Variants in COG6 observed in about 807,000 individuals in gnomAD.
The protein encoded by COG6 is conserved oligomeric Golgi complex subunit 6.
In COG6, 74 loss-of-function variants were observed where a neutral mutation model predicts 88.8. The observed-to-expected ratio is 0.83, with a 90% CI of 0.69 to 1.01. COG6 has a LOEUF of 1.01. Ranked by LOEUF, COG6 falls within the 50% of genes least tolerant of loss-of-function variation. COG6 has a pLI of 0.00. For synonymous variants in COG6, 286 were observed against 278.7 expected (o/e 1.03, Z -0.26); for missense variants, 800 against 797.9 (o/e 1.00, Z -0.03).
chr13:39,781,383 C>G (rs1241828331), intron 18 of COG6, among the ~76,000 whole-genome samples: 1 of 151,412 alleles, frequency 6.6e-6, no homozygotes, highest in African/African-American at 2.4e-5. Flanking sequence ...ATTTGTTTTT[C>G]CCCTGAAAAT....
chr13:39,708,448 T>C (rs1261354272), intron 13 of COG6, among the ~76,000 whole-genome samples: 2 of 152,190 alleles, frequency 1.3e-5, no homozygotes, highest in Non-Finnish European at 2.9e-5. Flanking sequence ...GTTTAAGAAA[T>C]CTTTGGCTAT....
intron 11 of COG6, among the ~76,000 whole-genome samples, chr13:39,692,465 G>A (rs1224282846): frequency 3.9e-5 from 6 of 151,996 alleles, no homozygotes; most frequent in Non-Finnish European, 5.9e-5. Context: ...CAATGACATG[G>A]AAAATAAAGC....
exon 19 of COG6, chr13:39,789,499 C>T (rs916171130): frequency 2.0e-5 from 3 of 152,168 alleles, no homozygotes; most frequent in African/African-American, 7.2e-5. Flanking sequence ...CACCCTGACT[C>T]ATTCCAATCA....
rs572688127 is a variant in COG6 at position 39,663,330 on chromosome 13, A to G, written c.370-1766A>G. Among the ~76,000 whole-genome samples the G allele has an allele frequency of 4.7e-4, 72 of 152,292 alleles. 1 individual carries two copies. Among genetic ancestry groups the G allele is most frequent in the Non-Finnish European group, 6.3e-4 (43 of 68,020 alleles). ...TGATTAATAAATGGTGTTGATTGTA[A>G]GGTGCACCCTCAATAACGACTAGCC... On this transcript the variant is annotated intron_variant, in intron 3 of 18. Transcript: ENST00000455146.
intron 13 of COG6, among the ~76,000 whole-genome samples, chr13:39,708,813 T>C (rs1384564722): frequency 6.6e-6 from 1 of 152,214 alleles, no homozygotes; most frequent in African/African-American, 2.4e-5. Flanking sequence ...TTTCTTAGGT[T>C]ACCTGAGACT....
Position 39,719,064 on chromosome 13 carries a change from A to C in COG6, c.1285-172A>C, listed in dbSNP as rs574438458. ...TAATCTGACAAAGAACTTTTCTCTC[A>C]CTTTGTGTGCTGTTAATATAGTTCA... is the stretch of plus-strand genomic sequence containing the variant. On this transcript the variant is annotated intron_variant, in intron 13 of 18. Transcript: ENST00000455146. Among the ~76,000 whole-genome samples, 3 of 152,292 alleles carry C rather than the reference A, an allele frequency of 2.0e-5. No individual in the cohort carries two copies. The South Asian group carries it at 6.2e-4, about 32-fold the overall frequency.
chr13:39,659,471 T>C lies in COG6; in HGVS notation c.261T>C (p.Asn87=), dbSNP rs146261996. The change falls in exon 2 of 19, where the codon AAT becomes AAC. Residue 87 remains asparagine (N), a synonymous_variant. Transcript: ENST00000455146. ...TTGAACGTAAAAGTTTAGCCATCAA[T>C]GAAGAATTTGTAAGCATTTTCAAGG... ...GDIERKSLAI[N]EEFVSIFKEV... The C allele has an allele frequency of 2.5e-5, 41 of 1,613,604 alleles. No homozygotes were observed. The African/African-American group carries it at 4.8e-4, about 19-fold the overall frequency.
At chr13:39,741,459 A>G (rs1880037849) in intron 18 of COG6, among the ~76,000 whole-genome samples, 1 of 152,204 alleles carries the variant, frequency 6.6e-6, no homozygotes, top group Non-Finnish European at 1.5e-5. Context: ...TATGTGACGC[A>G]TGCACAAGCT....
At position 39,706,235 on chromosome 13, in the gene COG6, TTA is replaced by T. The variant is rs372468879; in HGVS notation, c.1284+6630_1284+6631del. On this transcript the variant is annotated intron_variant, in intron 13 of 18. Transcript: ENST00000455146. Reference sequence around the variant, plus strand: ...CTCCTTTATATATATATATACTCCTTTATATATATATATACTCCTTTATATAT... The same window carrying T: ...CTCCTTTATATATATATATACTCCTTTATATATATATACTCCTTTATATAT... 1.2e-4 allele frequency among the ~76,000 whole-genome samples: 13 copies of T among 106,454 alleles called. 2 individuals are homozygous for T. Among genetic ancestry groups the T allele is most frequent in the South Asian group, 3.1e-4 (1 of 3,238 alleles). 69.8% of individuals were successfully genotyped at this position (106,454 alleles called of 152,430 possible).
intron 18 of COG6, among the ~76,000 whole-genome samples, chr13:39,765,442 G>A (rs1215723039): frequency 6.6e-6 from 1 of 152,160 alleles, no homozygotes; most frequent in Non-Finnish European, 1.5e-5. Context: ...ACTAGCATAT[G>A]ACTTTAATCT....
At chr13:39,722,642 A>G (rs1433622944) in intron 15 of COG6, among the ~76,000 whole-genome samples, 1 of 150,666 alleles carries the variant, frequency 6.6e-6, no homozygotes, top group East Asian at 1.9e-4. Context: ...AAAGAACAAG[A>G]TTTTTTCTCA....
intron 14 of COG6, 137 bp from the exon 15 acceptor site, chr13:39,719,523 A>G (rs1878731219): frequency 3.4e-6 from 4 of 1,173,786 alleles, no homozygotes; most frequent in Middle Eastern, 2.5e-4. Context: ...CTTAAAAAGC[A>G]TTGATTTATG....
chr13:39,767,695 C>T (rs1881206836), intron 18 of COG6, among the ~76,000 whole-genome samples: 1 of 152,168 alleles, frequency 6.6e-6, no homozygotes, highest in African/African-American at 2.4e-5. Context: ...GTGATAAAGA[C>T]TTGTGCGGCT....
chr13:39,779,447 C>T (rs889845422), intron 18 of COG6, among the ~76,000 whole-genome samples: 4 of 152,204 alleles, frequency 2.6e-5, no homozygotes, highest in African/African-American at 9.6e-5. Context: ...TTTGCCTAGG[C>T]TGCAGATCCA....
intron 13 of COG6, among the ~76,000 whole-genome samples, chr13:39,704,372 T>A (rs147269743): frequency 2.1e-3 from 324 of 152,316 alleles, no homozygotes; most frequent in African/African-American, 7.5e-3. Flanking sequence ...AGCAGTCAAC[T>A]CATTTTTTGT....
chr13:39,762,625 A>G (rs1881050724), intron 18 of COG6, among the ~76,000 whole-genome samples: 1 of 137,926 alleles, frequency 7.3e-6, no homozygotes, highest in Admixed American at 7.0e-5. Flanking sequence ...TGTACCCCAT[A>G]AATAAGTACA....
chr13:39,788,437 TG>T (rs1881841649), exon 19 of COG6: 1 of 1,382,126 alleles, frequency 7.2e-7, no homozygotes, highest in Non-Finnish European at 1.0e-6. Flanking sequence ...AACTCTGCCT[TG>T]GGGACTGGCT....
chr13:39,728,699 T>C (rs1879272473), intron 18 of COG6, among the ~76,000 whole-genome samples: 1 of 151,912 alleles, frequency 6.6e-6, no homozygotes, highest in Non-Finnish European at 1.5e-5. Flanking sequence ...AGACGGCGTC[T>C]TGCTCTTTCT....
At chr13:39,699,310 A>G (rs1593434548) in intron 12 of COG6, among the ~76,000 whole-genome samples, 191 bp from the exon 13 acceptor site, 1 of 151,930 alleles carries the variant, frequency 6.6e-6, no homozygotes, top group South Asian at 2.1e-4. Context: ...TTATTTTTTC[A>G]TCACCTAACT....
Sources: allele counts gnomAD v4.1 joint callset (sites outside exome capture counted in the v4.1 genomes callset), GRCh38; gene constraint gnomAD v4.1.1; transcripts MANE v1.5; gene names NCBI Gene and HGNC (gene_info 2026-07-23, HGNC 2026-07-21).